The following SENP3 variants were observed in gnomAD, a reference collection of about 807,000 sequenced individuals.
SENP3 encodes sentrin-specific protease 3.
SENP3 carries 11 observed loss-of-function variants against 66.2 expected under a neutral mutation model. That is an observed-to-expected ratio of 0.17 (90% CI 0.10 to 0.28). The LOEUF (loss-of-function observed/expected upper bound fraction) is 0.28, where lower values mean the gene tolerates loss of function less well. Ranked by LOEUF, SENP3 falls within the 10% of genes least tolerant of loss-of-function variation. The pLI is 1.00. For missense variants in SENP3, 548 were observed against 743.7 expected (o/e 0.74, Z 3.06); for synonymous variants, 292 against 277.6 (o/e 1.05, Z -0.52).
Position 7,563,319 on chromosome 17 carries a change from G to A in SENP3, c.243G>A (p.Glu81=), listed in dbSNP as rs751040881. The change falls in exon 2 of 11, where the codon GAG becomes GAA. Residue 81 remains glutamate, a synonymous_variant. Coordinates refer to ENST00000321337, the MANE Select transcript of SENP3 (RefSeq NM_015670.6). ...CAGCAAGTGAAGAGGAGGAAGAAGA[G>A]GAGGAGGAGGAGGATGAAGATGAAG... ...DASASEEEEE[E]EEEEDEDEEE... The A allele has an allele frequency of 8.2e-5, 127 of 1,543,954 alleles. 4 individuals are homozygous for A. The African/African-American group carries it at 1.6e-3, about 19-fold the overall frequency.
chr17:7,563,002 A>G, intron 1 of SENP3, 64 bp from the exon 2 acceptor site: 1 of 1,363,736 alleles, frequency 7.3e-7, no homozygotes, highest in Non-Finnish European at 9.5e-7. Flanking sequence ...ATGGCCAGGA[A>G]GAGAGGCAGG....
Position 7,565,704 on chromosome 17 carries a change from A to G in SENP3, c.1216-13A>G, listed in dbSNP as rs2150919583. 2 of 1,613,988 alleles carry G rather than the reference A, an allele frequency of 1.2e-6. No homozygotes were observed. The highest frequency in any genetic ancestry group is 8.5e-7 in the Non-Finnish European group (1 of 1,179,880). On this transcript the variant is annotated splice_polypyrimidine_tract_variant and intron_variant, in intron 5 of 10. Coordinates refer to ENST00000321337, the MANE Select transcript of SENP3 (RefSeq NM_015670.6). ...CACCCTCCATGGCAAGCTGCCTCCC[A>G]TCTTCTCCCCAGGTGATGAACATGT...
intron 7 of SENP3, among the ~76,000 whole-genome samples, chr17:7,569,566 G>A (rs10438740): frequency 0.47 from 72,050 of 151,694 alleles, 18,224 homozygotes; most frequent in Middle Eastern, 0.65. Flanking sequence ...CCCATTCAAA[G>A]GCCAGGAAAT....
rs1428548821 is a variant in SENP3, at chr17:7,570,661, C to A, written c.1480-20C>A. 1.2e-6 allele frequency: 2 copies of A among 1,608,908 alleles called. No homozygotes were observed. The highest frequency in any genetic ancestry group is 8.5e-7 in the Non-Finnish European group (1 of 1,177,228). ...ATTGAGAAACTTAGGGCATCACTTT[C>A]TTTTCCCCCATCCACATAGCATATT... On this transcript the variant is annotated intron_variant, in intron 8 of 10. Transcript: ENST00000321337. This position sits in a 1 kb window ranked among gnomAD's most constrained non-coding sequence, Gnocchi z 5.4.
At position 7,571,579 on chromosome 17, in the gene SENP3, C is replaced by A; in HGVS notation, c.*96C>A. On this transcript the variant is annotated 3_prime_UTR_variant, in exon 11 of 11. Coordinates refer to ENST00000321337, the MANE Select transcript of SENP3 (RefSeq NM_015670.6). ...GTTCCTTTCCTCTCTTGCCTCTTCC[C>A]ACTCACTTCCCTTTGGTTTTTCATA... is the stretch of plus-strand genomic sequence containing the variant. 1 of 749,662 alleles carries A rather than the reference C, an allele frequency of 1.3e-6. No individual in the cohort carries two copies. The highest frequency in any genetic ancestry group is 2.3e-6 in the Non-Finnish European group (1 of 438,552). 46.4% of individuals were successfully genotyped at this position (749,662 alleles called of 1,614,324 possible).
intron 7 of SENP3, among the ~76,000 whole-genome samples, 180 bp downstream of exon 7, chr17:7,567,184 A>G (rs2071275381): frequency 6.6e-6 from 1 of 152,216 alleles, no homozygotes; most frequent in African/African-American, 2.4e-5. Context: ...TTAAAGTTAA[A>G]TTGCAGCTAG....
chr17:7,563,640 C>T lies in SENP3; in HGVS notation c.564C>T (p.Ser188=), dbSNP rs972545792. ...QVPSPCCRFD[S]PRGPPPPRLG... ...CATCCCCCTGTTGTCGTTTTGACTC[C>T]CCCCGGGGGCCACCTCCACCCCGGC... is the stretch of plus-strand genomic sequence containing the variant. The change falls in exon 2 of 11, where the codon TCC becomes TCT. Residue 188 remains serine (S), a synonymous_variant. Coordinates refer to ENST00000321337, the MANE Select transcript of SENP3 (RefSeq NM_015670.6). The T allele has an allele frequency of 2.7e-5, 44 of 1,606,106 alleles. No individual in the cohort carries two copies. The highest frequency in any genetic ancestry group is 3.3e-5 in the Non-Finnish European group (39 of 1,176,832).
intron 6 of SENP3, chr17:7,566,063 C>T (rs1316099501): frequency 1.1e-5 from 3 of 269,170 alleles, no homozygotes; most frequent in East Asian, 7.3e-5. Context: ...AAAAGGCCAC[C>T]GGGCATGGTA....
In SENP3 at chr17:7,565,527, G is replaced by A; in HGVS notation, c.1155G>A (p.Arg385=). The change falls in exon 5 of 11, where the codon CGG becomes CGA. Residue 385 remains arginine (R), a synonymous_variant. Transcript: ENST00000321337. ...MVRGFRVAYK[R]HVLTMDDLGT... is the part of the protein sequence containing the mutation. Reference sequence around the variant, plus strand: ...GGGGCTTCCGAGTGGCTTATAAGCGGCACGTGCTGACCATGGATGACTTGG... The same window carrying A: ...GGGGCTTCCGAGTGGCTTATAAGCGACACGTGCTGACCATGGATGACTTGG... 1 of 1,613,878 alleles carries A rather than the reference G, an allele frequency of 6.2e-7. No individual in the cohort carries two copies. Among genetic ancestry groups the A allele is most frequent in the Non-Finnish European group, 8.5e-7 (1 of 1,179,842 alleles).
rs1195888056 is a variant in SENP3 at position 7,564,713 on chromosome 17, C to T, written c.804C>T (p.Ile268=). ...GCTTGGCACCCCCTGATGCCAGCAT[C>T]CTCATCAGCAATGTGTGCAGCATCG... ...ERSLAPPDAS[I]LISNVCSIGD... The change falls in exon 3 of 11, where the codon ATC becomes ATT. Residue 268 remains isoleucine, a synonymous_variant. Coordinates refer to ENST00000321337, the MANE Select transcript of SENP3 (RefSeq NM_015670.6). The T allele has an allele frequency of 6.8e-6, 11 of 1,613,938 alleles. No homozygotes were observed. The highest frequency in any genetic ancestry group is 9.3e-6 in the Non-Finnish European group (11 of 1,179,908).
In SENP3 at chr17:7,571,493, C is replaced by G. The variant is rs1386211054; in HGVS notation, c.*10C>G. 6.2e-7 allele frequency: 1 copy of G among 1,601,634 alleles called. No individual in the cohort carries two copies. The highest frequency in any genetic ancestry group is 8.6e-7 in the Non-Finnish European group (1 of 1,169,066). ...CAAACTCACTGTGTGAGCCTCGTAC[C>G]CCAGACCCCAAGCCCATAAATGGGA... is the stretch of plus-strand genomic sequence containing the variant. On this transcript the variant is annotated 3_prime_UTR_variant, in exon 11 of 11. Coordinates refer to ENST00000321337, the MANE Select transcript of SENP3 (RefSeq NM_015670.6).
chr17:7,564,924 G>A, intron 3 of SENP3, 35 bp from the exon 4 acceptor site: 27 of 1,609,418 alleles, frequency 1.7e-5, no homozygotes, highest in Non-Finnish European at 2.3e-5. Flanking sequence ...GGAGAGTCTG[G>A]AGGCCTCACC....
Position 7,563,709 on chromosome 17 carries a change from G to T in SENP3, c.633G>T (p.Gly211=). Reference sequence around the variant, plus strand: ...TCATGGCTGAGGATGGGGTGAGAGGGTCTCCACCAGTGCCCTCTGGGCCCC... The same window carrying T: ...TCATGGCTGAGGATGGGGTGAGAGGTTCTCCACCAGTGCCCTCTGGGCCCC... The part of the protein sequence containing the change: ...GALMAEDGVR[G]SPPVPSGPPM... Residue 211 remains glycine (G), a synonymous_variant, in exon 2 of 11, where the codon GGG becomes GGT. Coordinates refer to ENST00000321337, the MANE Select transcript of SENP3 (RefSeq NM_015670.6). 2 of 1,612,922 alleles carry T rather than the reference G, an allele frequency of 1.2e-6. No individual in the cohort carries two copies. The highest frequency in any genetic ancestry group is 1.7e-4 in the Middle Eastern group (1 of 6,044).
chr17:7,563,574 C>T lies in SENP3; in HGVS notation c.498C>T (p.Asn166=). The change falls in exon 2 of 11, where the codon AAC becomes AAT. Residue 166 remains asparagine (N), a synonymous_variant. Coordinates refer to ENST00000321337, the MANE Select transcript of SENP3 (RefSeq NM_015670.6). ...GRRRGLAHPK[N]HLSPQQGGAT... ...GGCGGGGCCTCGCACACCCCAAGAA[C>T]CATCTTTCACCCCAGCAAGGGGGTG... 1.3e-6 allele frequency: 2 copies of T among 1,555,330 alleles called. No individual in the cohort carries two copies. The highest frequency in any genetic ancestry group is 1.4e-5 in the African/African-American group (1 of 73,186).
chr17:7,567,111 G>T, intron 7 of SENP3, 107 bp downstream of exon 7: 1 of 801,948 alleles, frequency 1.2e-6, no homozygotes. Flanking sequence ...GTCTTTCAAA[G>T]ATTAAACGTC....
At chr17:7,569,935 G>A (rs549751432) in intron 7 of SENP3, among the ~76,000 whole-genome samples, 1 of 152,316 alleles carries the variant, frequency 6.6e-6, no homozygotes, top group African/African-American at 2.4e-5. Context: ...TGGATGAGGT[G>A]TAGGTACTAC....
rs1301788465 is a variant in SENP3 at position 7,562,857 on chromosome 17, GTC to G, written c.-11-205_-11-204del. On this transcript the variant is annotated intron_variant, in intron 1 of 10. Transcript: ENST00000321337. The surrounding 1 kb of genome is among the most constrained non-coding windows in gnomAD (Gnocchi z 5.0). Reference sequence around the variant, plus strand: ...GCCTGCTGCTTAGCCATTTTCCCTTGTCTCTGGACTGGGGAGAGATGATGGCA... The same window carrying G: ...GCCTGCTGCTTAGCCATTTTCCCTTGTCTGGACTGGGGAGAGATGATGGCA... Among the ~76,000 whole-genome samples the G allele has an allele frequency of 6.6e-6, 1 of 152,174 alleles. No homozygotes were observed.
At position 7,570,836 on chromosome 17, in the gene SENP3, C is replaced by T. The variant is rs1368462365; in HGVS notation, c.1564-47C>T. 6.2e-7 allele frequency: 1 copy of T among 1,604,912 alleles called. No individual in the cohort carries two copies. Among genetic ancestry groups the T allele is most frequent in the East Asian group, 2.2e-5 (1 of 44,708 alleles). On this transcript the variant is annotated intron_variant, in intron 9 of 10. Coordinates refer to ENST00000321337, the MANE Select transcript of SENP3 (RefSeq NM_015670.6). This position sits in a 1 kb window ranked among gnomAD's most constrained non-coding sequence, Gnocchi z 5.4. The stretch of plus-strand genomic sequence containing the variant: ...TAGAAGGCAGAAATTGAAGTCCTAC[C>T]CCTGGGAGTCTCCATGTGAAGGGCC...
intron 2 of SENP3, 96 bp downstream of exon 2, chr17:7,563,887 C>A (rs1264528381): frequency 3.6e-6 from 4 of 1,109,304 alleles, no homozygotes; most frequent in East Asian, 2.6e-5. Flanking sequence ...GAGAGCTGGG[C>A]TTAAGGAAAG....
Sources: allele counts gnomAD v4.1 joint callset (sites outside exome capture counted in the v4.1 genomes callset), GRCh38; gene constraint gnomAD v4.1.1; non-coding constraint Gnocchi (gnomAD v3.1); transcripts MANE v1.5; gene names NCBI Gene and HGNC (gene_info 2026-07-23, HGNC 2026-07-21).